COL21A1: variants seen among roughly 807,000 people sequenced by gnomAD.
The protein encoded by COL21A1 is collagen type XXI alpha 1 chain.
In COL21A1, 149 loss-of-function variants were observed where a neutral mutation model predicts 137.9. That is an observed-to-expected ratio of 1.08 (90% CI 0.95 to 1.24). The LOEUF (loss-of-function observed/expected upper bound fraction) is 1.24. Ranked by LOEUF, COL21A1 falls within the 50% of genes most tolerant of loss-of-function variation. The pLI is 0.00. For synonymous variants in COL21A1, 456 were observed against 391.5 expected (o/e 1.16, Z -1.95); for missense variants, 1,167 against 1,158.4 (o/e 1.01, Z -0.11).
chr6:56,289,683 CG>C (rs1355583750), intron 1 of COL21A1, among the ~76,000 whole-genome samples: 1 of 152,104 alleles, frequency 6.6e-6, no homozygotes, highest in Non-Finnish European at 1.5e-5. Context: ...CTAGGGAATC[CG>C]GGAATACCAA....
chr6:56,114,891 T>C (rs1404328095), intron 16 of COL21A1, among the ~76,000 whole-genome samples: 1 of 146,248 alleles, frequency 6.8e-6, no homozygotes, highest in African/African-American at 2.5e-5. Flanking sequence ...TATTGTGGCA[T>C]TATTCACAAT....
chr6:56,239,338 T>A (rs1782114751), intron 1 of COL21A1, among the ~76,000 whole-genome samples: 1 of 152,140 alleles, frequency 6.6e-6, no homozygotes, highest in Admixed American at 6.6e-5. Context: ...TCCAAATGTT[T>A]CCATATACAA....
chr6:56,355,437 G>A (rs1212486336), intron 1 of COL21A1, among the ~76,000 whole-genome samples: 3 of 151,640 alleles, frequency 2.0e-5, no homozygotes, highest in Admixed American at 6.6e-5. Flanking sequence ...CGGGGTGGGG[G>A]GTAAACCTGT....
chr6:56,248,226 T>C (rs1356382624), upstream of COL21A1, among the ~76,000 whole-genome samples: 1 of 152,196 alleles, frequency 6.6e-6, no homozygotes, highest in Admixed American at 6.5e-5. Context: ...GCAACTCTTC[T>C]TTTCTCACCC....
At chr6:56,354,600 G>T (rs1215134052) in intron 1 of COL21A1, among the ~76,000 whole-genome samples, 3 of 152,144 alleles carry the variant, frequency 2.0e-5, no homozygotes, top group Non-Finnish European at 4.4e-5. Context: ...TAAATACAAT[G>T]GCTGGGCATG....
At chr6:56,119,483 C>A (rs753107847) in intron 16 of COL21A1, among the ~76,000 whole-genome samples, 3 of 151,928 alleles carry the variant, frequency 2.0e-5, no homozygotes, top group Non-Finnish European at 4.4e-5. Context: ...TCCATAATAC[C>A]AAAGGAATTT....
intron 1 of COL21A1, among the ~76,000 whole-genome samples, chr6:56,190,173 C>T (rs552396107): frequency 6.6e-6 from 1 of 151,978 alleles, no homozygotes; most frequent in South Asian, 2.1e-4. Context: ...TTGAAAAGAT[C>T]AACAAAATAG....
chr6:56,370,829 C>A (rs780930988), intron 1 of COL21A1, among the ~76,000 whole-genome samples: 3 of 152,220 alleles, frequency 2.0e-5, no homozygotes, highest in Non-Finnish European at 4.4e-5. Context: ...TCCAATAGCT[C>A]TTCATTGTCC....
At chr6:56,278,296 T>A (rs1235095421) in intron 1 of COL21A1, among the ~76,000 whole-genome samples, 1 of 152,066 alleles carries the variant, frequency 6.6e-6, no homozygotes, top group African/African-American at 2.4e-5. Context: ...TGCCTGGGGG[T>A]TACACTTAAT....
Position 56,057,507 on chromosome 6 carries a change from TC to T in COL21A1, c.*149del. On this transcript the variant is annotated 3_prime_UTR_variant, in exon 30 of 30. Coordinates refer to ENST00000244728, the MANE Select transcript of COL21A1 (RefSeq NM_030820.4). ...GAGCCTTTAAAATCAGTATATGTGA[TC>T]TTTTATATTTTTTTCCATAAGAAAA... The T allele has an allele frequency of 1.4e-6, 1 of 715,324 alleles. No individual in the cohort carries two copies. Among genetic ancestry groups the T allele is most frequent in the East Asian group, 2.8e-5 (1 of 36,078 alleles). The allele number at this position is 715,324 out of a possible 1,614,324, so 44.3% of individuals were successfully genotyped here.
chr6:56,061,108 G>A (rs774133815), intron 25 of COL21A1, 71 bp from the exon 26 acceptor site: 220 of 1,318,134 alleles, frequency 1.7e-4, no homozygotes, highest in Non-Finnish European at 2.1e-4. Context: ...CATGAAGCTC[G>A]TTAAGGATGT....
intron 3 of COL21A1, among the ~76,000 whole-genome samples, chr6:56,172,522 A>G (rs1262259815): frequency 2.6e-5 from 4 of 152,206 alleles, no homozygotes; most frequent in Non-Finnish European, 5.9e-5. Context: ...CTTATAAGAA[A>G]TTCTCAAGGA....
chr6:56,293,872 T>A (rs1764109087), intron 1 of COL21A1, among the ~76,000 whole-genome samples: 1 of 152,166 alleles, frequency 6.6e-6, no homozygotes. Flanking sequence ...CATGAGAAAC[T>A]TTTATGAAAG....
At chr6:56,210,416 TAATAAA>T in intron 1 of COL21A1, among the ~76,000 whole-genome samples, 2 of 152,130 alleles carry the variant, frequency 1.3e-5, no homozygotes, top group Non-Finnish European at 2.9e-5. Context: ...TATTTCAAGG[TAATAAA>T]ACATGATGGA....
intron 17 of COL21A1, among the ~76,000 whole-genome samples, chr6:56,099,895 G>C (rs12203653): frequency 0.15 from 23,029 of 152,102 alleles, 1,774 homozygotes; most frequent in Middle Eastern, 0.22. Context: ...TCTGTCAAAA[G>C]AGCCTGCTAA....
In COL21A1 at chr6:56,179,901, G is replaced by A. The variant is rs542671242; in HGVS notation, c.317C>T (p.Ser106Phe). ...SGEHLTAAVESILYLGGNTKT... is the reference protein window; with the variant it reads ...SGEHLTAAVEFILYLGGNTKT... ...TGTGTTTCCTCCTAAGTAGAGTATG[G>A]ATTCCACTGCTGCCGTCAAATGTTC... is the stretch of plus-strand genomic sequence containing the variant. The change falls in exon 3 of 30, where the codon TCC (serine) becomes TTC (phenylalanine). Residue 106 changes from serine to phenylalanine, a missense_variant. By Grantham distance (155) the Ser-to-Phe change is radical (BLOSUM62 -2). Coordinates refer to ENST00000244728, the MANE Select transcript of COL21A1 (RefSeq NM_030820.4). The A allele has an allele frequency of 2.5e-6, 4 of 1,613,754 alleles. No homozygotes were observed. The highest frequency in any genetic ancestry group is 3.4e-6 in the Non-Finnish European group (4 of 1,179,854).
At chr6:56,230,971 T>A (rs1347237491) in intron 1 of COL21A1, 1 of 151,960 alleles carries the variant, frequency 6.6e-6, no homozygotes, top group Non-Finnish European at 1.5e-5. Context: ...TGCTTTTTCC[T>A]ACCTACCCTT....
intron 1 of COL21A1, among the ~76,000 whole-genome samples, chr6:56,393,456 G>A (rs966981770): frequency 5.0e-4 from 75 of 149,892 alleles, no homozygotes; most frequent in Admixed American, 3.4e-3. Flanking sequence ...TTTGGAGTAA[G>A]ACCTCAAAAG....
intron 16 of COL21A1, 128 bp downstream of exon 16, chr6:56,123,934 T>G (rs1772778142): frequency 1.3e-6 from 1 of 767,066 alleles, no homozygotes; most frequent in East Asian, 2.8e-5. Context: ...GTAAAAAACC[T>G]TTTAGCTCAT....
Sources: allele counts gnomAD v4.1 joint callset (sites outside exome capture counted in the v4.1 genomes callset), GRCh38; gene constraint gnomAD v4.1.1; transcripts MANE v1.5; gene names NCBI Gene and HGNC (gene_info 2026-07-23, HGNC 2026-07-21).